The following TOP1MT variants were observed in gnomAD, a reference collection of about 807,000 sequenced individuals.
The protein encoded by TOP1MT is DNA topoisomerase I mitochondrial, also known as DNA topoisomerase I, mitochondrial.
In TOP1MT, 80 loss-of-function variants were observed where a neutral mutation model predicts 73.9. The ratio of observed to expected loss-of-function variants is 1.08; its 90% confidence interval spans 0.90 to 1.30. The LOEUF (loss-of-function observed/expected upper bound fraction) is 1.30, where lower values mean the gene tolerates loss of function less well. Among genes scored for constraint, TOP1MT ranks in the 50% most tolerant of loss-of-function variants. The probability of loss-of-function intolerance (pLI) is 0.00; values close to 1 mark genes in which losing one functional copy is unlikely to be tolerated. For missense variants in TOP1MT, 815 were observed against 808.0 expected, an observed-to-expected ratio of 1.01 and a Z score of -0.10; for synonymous variants, 338 against 326.4, an observed-to-expected ratio of 1.04 and a Z score of -0.38.
chr8:143,346,502 T>C (rs1433844806), upstream of TOP1MT, among the ~76,000 whole-genome samples: 1 of 152,202 alleles, frequency 6.6e-6, no homozygotes, highest in East Asian at 1.9e-4. Flanking sequence ...AAGGGGGCTG[T>C]GCTGGGTATA....
upstream of TOP1MT, among the ~76,000 whole-genome samples, chr8:143,338,032 G>A (rs1446975869): frequency 6.6e-6 from 1 of 152,154 alleles, no homozygotes; most frequent in Admixed American, 6.5e-5. Flanking sequence ...CAGGAATCTG[G>A]ACCTCGGGGA....
At chr8:143,322,695 ACACGCACGC>A (rs1490057458) in intron 7 of TOP1MT, among the ~76,000 whole-genome samples, 15 of 64,936 alleles carry the variant, frequency 2.3e-4, no homozygotes, top group Admixed American at 3.0e-4. Context: ...CACGCACGCC[ACACGCACGC>A]CACACGCACG....
upstream of TOP1MT, among the ~76,000 whole-genome samples, chr8:143,348,141 C>G (rs1817259566): frequency 6.6e-6 from 1 of 152,192 alleles, no homozygotes. The surrounding 1 kb of genome is among the most constrained non-coding windows in gnomAD (Gnocchi z 4.6). Context: ...AGGCCCCACT[C>G]AGGACAAAGC....
chr8:143,331,427 C>G (rs1027916435), intron 1 of TOP1MT, 88 bp from the exon 2 acceptor site: 2 of 1,146,498 alleles, frequency 1.7e-6, no homozygotes, highest in African/African-American at 3.1e-5. Context: ...CTCCCTGTGG[C>G]TCCTAGCAGG....
At chr8:143,321,128 C>T in intron 8 of TOP1MT, 73 bp downstream of exon 8, 1 of 1,460,560 alleles carries the variant, frequency 6.8e-7, no homozygotes, top group Non-Finnish European at 9.2e-7. Flanking sequence ...CCCACGGCAG[C>T]TCCGGCACGC....
Position 143,310,056 on chromosome 8 carries a change from A to G in TOP1MT, c.1703+12T>C, listed in dbSNP as rs772503794. On this transcript the variant is annotated intron_variant, in intron 13 of 13. Coordinates refer to ENST00000329245, the MANE Select transcript of TOP1MT (RefSeq NM_052963.3). ...GGCCACAGGTGGGAACTGAGACCCC[A>G]GGCACACGCACCAGGCAATGCTGAT... The G allele has an allele frequency of 6.8e-6, 11 of 1,610,606 alleles. No individual in the cohort carries two copies. The highest frequency in any genetic ancestry group is 8.5e-6 in the Non-Finnish European group (10 of 1,179,734).
At chr8:143,313,166 A>C (rs1816056876) in intron 12 of TOP1MT, among the ~76,000 whole-genome samples, 1 of 152,242 alleles carries the variant, frequency 6.6e-6, no homozygotes, top group Non-Finnish European at 1.5e-5. Context: ...AAAACAGAGA[A>C]ATCTATCTTC....
At chr8:143,359,955 G>C (rs1365816676), upstream of TOP1MT, 1 of 152,130 alleles carries the variant, frequency 6.6e-6, no homozygotes, top group East Asian at 1.9e-4. Flanking sequence ...AGGCCTGCGC[G>C]GAGACGCCGG....
intron 13 of TOP1MT, chr8:143,309,845 G>A (rs750503774): frequency 7.8e-6 from 12 of 1,535,206 alleles, no homozygotes; most frequent in Non-Finnish European, 8.7e-6. Flanking sequence ...CCGAGTCCCA[G>A]GCCACTGTCA....
intron 7 of TOP1MT, among the ~76,000 whole-genome samples, chr8:143,322,687 C>G (rs1365006803): frequency 9.8e-6 from 1 of 102,548 alleles, no homozygotes; most frequent in Non-Finnish European, 1.9e-5. Context: ...ACGCCACACA[C>G]GCACGCCACA....
chr8:143,353,781 T>C (rs889240948), intron 1 of TOP1MT, among the ~76,000 whole-genome samples: 1 of 151,634 alleles, frequency 6.6e-6, no homozygotes, highest in Non-Finnish European at 1.5e-5. Flanking sequence ...CTGGCCAACA[T>C]GGTGAAACCC....
At chr8:143,327,686 C>T (rs573457581) in intron 3 of TOP1MT, 2 of 385,342 alleles carry the variant, frequency 5.2e-6, no homozygotes, top group Admixed American at 3.1e-5. Flanking sequence ...GAAGTGCTGA[C>T]CAGAGGGAGA....
At position 143,325,408 on chromosome 8, in the gene TOP1MT, ATG is replaced by A; in HGVS notation, c.607_608del (p.His203SerfsTer41). ...PPGLFRGRGD[H>X]PKMGMLKRRI... ...TTCTCTTCAGCATCCCCATCTTGGG[ATG>A]GTCGCCACGGCCACGGAACAAGCCA... On this transcript the variant is annotated frameshift_variant, in exon 5 of 14. Coordinates refer to ENST00000329245, the MANE Select transcript of TOP1MT (RefSeq NM_052963.3). LOFTEE classifies it high-confidence loss of function. 2 of 1,612,330 alleles carry A rather than the reference ATG, an allele frequency of 1.2e-6. No homozygotes were observed. The highest frequency in any genetic ancestry group is 3.3e-4 in the Middle Eastern group (2 of 6,054).
upstream of TOP1MT, among the ~76,000 whole-genome samples, chr8:143,339,257 T>C (rs561378291): frequency 5.3e-5 from 8 of 152,318 alleles, no homozygotes; most frequent in Non-Finnish European, 7.4e-5. Flanking sequence ...CAAAATACTG[T>C]CATTCAACAT....
chr8:143,321,972 A>ACACACGCACG (rs1816425417), intron 7 of TOP1MT, among the ~76,000 whole-genome samples: 4 of 25,862 alleles, frequency 1.5e-4, no homozygotes, highest in Non-Finnish European at 2.2e-4. Flanking sequence ...ACACATGCTC[A>ACACACGCACG]CCACACGCAC....
At chr8:143,337,519 G>A (rs1185475672), upstream of TOP1MT, among the ~76,000 whole-genome samples, 1 of 152,166 alleles carries the variant, frequency 6.6e-6, no homozygotes, top group Non-Finnish European at 1.5e-5. Flanking sequence ...AATTCACAGG[G>A]AAATACAAGG....
upstream of TOP1MT, among the ~76,000 whole-genome samples, chr8:143,358,236 A>ACT (rs1011287352): frequency 1.3e-5 from 2 of 152,068 alleles, no homozygotes; most frequent in African/African-American, 4.8e-5. Flanking sequence ...TCTGCCCAGT[A>ACT]CTCTCTCTCT....
chr8:143,328,711 G>A (rs544506090), intron 3 of TOP1MT, among the ~76,000 whole-genome samples: 9 of 152,222 alleles, frequency 5.9e-5, no homozygotes, highest in Admixed American at 2.6e-4. Context: ...AAACACCCAC[G>A]AATAGGGAAA....
chr8:143,325,008 C>A (rs953858811), intron 5 of TOP1MT, among the ~76,000 whole-genome samples: 13 of 152,226 alleles, frequency 8.5e-5, no homozygotes, highest in Non-Finnish European at 1.3e-4. Context: ...GCCCAGCAGT[C>A]CCCTCTCCAC....
Sources: gnomAD v4.1 joint callset for allele counts (sites outside exome capture counted in the v4.1 genomes callset) on GRCh38, gnomAD v4.1.1 for gene constraint, Gnocchi (gnomAD v3.1) non-coding constraint, MANE v1.5 for transcripts, NCBI Gene and HGNC (gene_info 2026-07-23, HGNC 2026-07-21) for gene names.